KLF13: variants seen among roughly 807,000 people sequenced by gnomAD.
KLF13 encodes the protein Krueppel-like factor 13.
Under a neutral mutation model 16.7 loss-of-function variants are expected in KLF13, and 8 were observed. The ratio of observed to expected loss-of-function variants is 0.48; its 90% CI spans 0.28 to 0.87. The LOEUF (loss-of-function observed/expected upper bound fraction) is 0.87. Among genes scored for constraint, KLF13 ranks in the 40% least tolerant of loss-of-function variants. The pLI is 0.10. For missense variants in KLF13, 447 were observed against 452.2 expected, an observed-to-expected ratio of 0.99 and a Z score of 0.10; for synonymous variants, 245 against 208.4, an observed-to-expected ratio of 1.18 and a Z score of -1.51.
chr15:31,406,197 A>G (rs2140997673), downstream of KLF13, among the ~76,000 whole-genome samples: 1 of 152,320 alleles, frequency 6.6e-6, no homozygotes, highest in Non-Finnish European at 1.5e-5. Context: ...TGTGTCTGAT[A>G]GGCCCGGCAC....
intron 1 of KLF13, among the ~76,000 whole-genome samples, chr15:31,337,519 GTGT>G (rs1282462336): frequency 1.3e-5 from 2 of 152,122 alleles, no homozygotes; most frequent in Non-Finnish European, 2.9e-5. Flanking sequence ...TCTGAGAAGT[GTGT>G]TGTTAGGCAG....
chr15:31,350,548 T>C (rs2039200519), intron 1 of KLF13, among the ~76,000 whole-genome samples: 1 of 152,220 alleles, frequency 6.6e-6, no homozygotes, highest in Admixed American at 6.5e-5. Flanking sequence ...GGGTTCAGGA[T>C]AAAGGAAATG....
chr15:31,400,838 C>T (rs1197307736), intron 2 of KLF13, among the ~76,000 whole-genome samples: 1 of 152,032 alleles, frequency 6.6e-6, no homozygotes, highest in African/African-American at 2.4e-5. Flanking sequence ...GAGGGTCTGG[C>T]TGGCTGGATG....
At chr15:31,421,758 A>G (rs1307241892) in intron 1 of KLF13, among the ~76,000 whole-genome samples, 1 of 152,170 alleles carries the variant, frequency 6.6e-6, no homozygotes, top group East Asian at 1.9e-4. Flanking sequence ...ACAAAAAACA[A>G]TCAACAAAAT....
At chr15:31,327,913 C>G (rs1308998703) in intron 1 of KLF13, 124 bp downstream of exon 1, 1 of 1,082,148 alleles carries the variant, frequency 9.2e-7, no homozygotes, top group African/African-American at 1.7e-5. Context: ...CGCCCGGGGC[C>G]TCGCCCCTTC....
At chr15:31,364,188 G>A (rs1032981460) in intron 1 of KLF13, among the ~76,000 whole-genome samples, 3 of 152,110 alleles carry the variant, frequency 2.0e-5, no homozygotes, top group African/African-American at 7.2e-5. Flanking sequence ...TTTTCTGTAT[G>A]AATTTTTAGG....
At chr15:31,433,022 C>T (rs901944825) in intron 1 of KLF13, among the ~76,000 whole-genome samples, 20 of 152,118 alleles carry the variant, frequency 1.3e-4, no homozygotes, top group African/African-American at 3.4e-4. Flanking sequence ...CCAGCCTGGG[C>T]GACAGAGCGA....
At chr15:31,367,108 G>T (rs112933173) in intron 1 of KLF13, among the ~76,000 whole-genome samples, 25 of 152,300 alleles carry the variant, frequency 1.6e-4, no homozygotes, top group African/African-American at 6.0e-4. Flanking sequence ...AGTGGCCTGG[G>T]GCATGTTGCT....
At chr15:31,392,359 C>A (rs2039883453), upstream of KLF13, among the ~76,000 whole-genome samples, 1 of 152,210 alleles carries the variant, frequency 6.6e-6, no homozygotes, top group African/African-American at 2.4e-5. Context: ...ACCTCTTTGG[C>A]CGCGGGCTGG....
Position 31,368,974 on chromosome 15 carries a change from T to G in KLF13, c.578-3036T>G, listed in dbSNP as rs146753448. Reference sequence around the variant, plus strand: ...TTAGTTGTCTTGATGGTTACTGCCATAAATGAACTGTATTTTACTGCTGTT... The same window carrying G: ...TTAGTTGTCTTGATGGTTACTGCCAGAAATGAACTGTATTTTACTGCTGTT... On this transcript the variant is annotated intron_variant, in intron 1 of 1. Coordinates refer to ENST00000307145, the MANE Select transcript of KLF13 (RefSeq NM_015995.4). 2.0e-5 allele frequency among the ~76,000 whole-genome samples: 3 copies of G among 152,324 alleles called. No homozygotes were observed. In the East Asian group the frequency reaches 5.8e-4, roughly 29 times the overall value.
intron 1 of KLF13, among the ~76,000 whole-genome samples, chr15:31,334,952 G>A (rs1425788818): frequency 6.6e-6 from 1 of 152,244 alleles, no homozygotes; most frequent in East Asian, 1.9e-4. Context: ...ACAGAAACTC[G>A]AACTTGTTTT....
intron 1 of KLF13, among the ~76,000 whole-genome samples, chr15:31,333,272 G>C (rs1448040655): frequency 6.6e-6 from 1 of 152,204 alleles, no homozygotes; most frequent in Admixed American, 6.5e-5. Context: ...CACAGTAAGT[G>C]AGGGTGGAAC....
In KLF13 at chr15:31,358,535, C is replaced by T. The variant is rs151125392; in HGVS notation, c.578-13475C>T. Among the ~76,000 whole-genome samples, 36 of 152,226 alleles carry T rather than the reference C, an allele frequency of 2.4e-4. No individual in the cohort carries two copies. In the East Asian group the frequency reaches 5.4e-3, roughly 23 times the overall value. On this transcript the variant is annotated intron_variant, in intron 1 of 1. Coordinates refer to ENST00000307145, the MANE Select transcript of KLF13 (RefSeq NM_015995.4). The stretch of plus-strand genomic sequence containing the variant: ...AACACCTTTTCACACAGTTGTTTAC[C>T]ATCTCTCTATCTTCTTTGGTAAGAG...
At chr15:31,334,509 C>G (rs964676169) in intron 1 of KLF13, among the ~76,000 whole-genome samples, 5 of 151,988 alleles carry the variant, frequency 3.3e-5, no homozygotes, top group Non-Finnish European at 7.4e-5. Flanking sequence ...CTCACTGCAA[C>G]CTCCGCCTCC....
downstream of KLF13, among the ~76,000 whole-genome samples, chr15:31,378,516 C>T (rs2039684454): frequency 6.6e-6 from 1 of 152,138 alleles, no homozygotes; most frequent in Admixed American, 6.6e-5. Flanking sequence ...AGATGATGTC[C>T]TCATCGGAGG....
intron 2 of KLF13, among the ~76,000 whole-genome samples, chr15:31,400,782 G>C (rs1481551140): frequency 6.6e-6 from 1 of 152,096 alleles, no homozygotes; most frequent in Non-Finnish European, 1.5e-5. Context: ...AAGAGAGAAG[G>C]GACAATGCCT....
intron 1 of KLF13, 100 bp downstream of exon 1, chr15:31,327,889 C>G (rs1184028581): frequency 3.5e-6 from 4 of 1,155,242 alleles, no homozygotes; most frequent in Non-Finnish European, 4.3e-6. Context: ...AGGTGGGGGC[C>G]GGGCGGGCCG....
intron 1 of KLF13, among the ~76,000 whole-genome samples, chr15:31,332,993 G>T (rs1250969403): frequency 6.6e-6 from 1 of 152,176 alleles, no homozygotes; most frequent in Admixed American, 6.5e-5. Context: ...GAGATACCAT[G>T]GCACTGTGAA....
At chr15:31,420,004 A>G in intron 1 of KLF13, 1 of 300,998 alleles carries the variant, frequency 3.3e-6, no homozygotes, top group South Asian at 3.1e-5. Context: ...CTCAGCAGAA[A>G]CATTATAGGC....
Sources: allele counts gnomAD v4.1 joint callset (sites outside exome capture counted in the v4.1 genomes callset), GRCh38; gene constraint gnomAD v4.1.1; transcripts MANE v1.5; gene names NCBI Gene and HGNC (gene_info 2026-07-23, HGNC 2026-07-21).